CCSER1: variants seen among roughly 807,000 people sequenced by gnomAD.
CCSER1 encodes coiled-coil serine rich protein 1.
A neutral mutation model predicts 82.0 loss-of-function variants in CCSER1; 41 were observed. The observed-to-expected ratio is 0.50, with a 90% CI of 0.39 to 0.65. CCSER1 has a LOEUF of 0.65. CCSER1 is among the 30% of genes least tolerant of loss of function. The pLI is 0.00. For synonymous variants in CCSER1, 414 were observed against 383.9 expected (o/e 1.08, Z -0.92); for missense variants, 1,119 against 1,064.2 (o/e 1.05, Z -0.72).
intron 9 of CCSER1, among the ~76,000 whole-genome samples, chr4:90,998,566 G>A (rs1581294349): frequency 6.6e-6 from 1 of 152,022 alleles, no homozygotes; most frequent in South Asian, 2.1e-4. Context: ...AATTTGCAAA[G>A]ATAAAAATGA....
At chr4:91,069,879 T>C (rs1003598646) in intron 9 of CCSER1, among the ~76,000 whole-genome samples, 3 of 152,220 alleles carry the variant, frequency 2.0e-5, no homozygotes, top group African/African-American at 7.2e-5. Flanking sequence ...ACCCATTGAA[T>C]GCCATTTAGA....
At chr4:90,357,533 G>C (rs1385509709) in intron 3 of CCSER1, among the ~76,000 whole-genome samples, 3 of 151,914 alleles carry the variant, frequency 2.0e-5, no homozygotes, top group African/African-American at 7.2e-5. Context: ...AGATACTCTT[G>C]GGAAATGAGA....
At chr4:90,262,135 G>A (rs1005104018) in intron 1 of CCSER1, among the ~76,000 whole-genome samples, 2 of 151,190 alleles carry the variant, frequency 1.3e-5, no homozygotes, top group Non-Finnish European at 2.9e-5. Context: ...TTGCTAGGGA[G>A]CTTCTGTGAT....
At chr4:90,621,167 A>G (rs1345125703) in intron 5 of CCSER1, among the ~76,000 whole-genome samples, 1 of 152,124 alleles carries the variant, frequency 6.6e-6, no homozygotes, top group African/African-American at 2.4e-5. Context: ...GGATACACCA[A>G]TCATTCCAGG....
At chr4:91,396,588 G>A (rs1012846103) in intron 10 of CCSER1, among the ~76,000 whole-genome samples, 3 of 152,058 alleles carry the variant, frequency 2.0e-5, no homozygotes, top group Middle Eastern at 3.4e-3. Context: ...ATAATGATGC[G>A]GGCAGTTGTA....
intron 10 of CCSER1, among the ~76,000 whole-genome samples, chr4:91,409,300 A>G (rs938281539): frequency 2.6e-5 from 4 of 152,222 alleles, no homozygotes; most frequent in South Asian, 2.1e-4. Flanking sequence ...ATATTGCCCA[A>G]TTTATTCATT....
intron 10 of CCSER1, among the ~76,000 whole-genome samples, chr4:91,342,014 A>T (rs1747754288): frequency 6.6e-6 from 1 of 152,216 alleles, no homozygotes; most frequent in South Asian, 2.1e-4. Context: ...AAAGGATGCA[A>T]TTAAATCTAA....
chr4:90,452,823 G>T (rs1321612555), intron 4 of CCSER1, among the ~76,000 whole-genome samples: 1 of 152,108 alleles, frequency 6.6e-6, no homozygotes, highest in East Asian at 1.9e-4. Flanking sequence ...TGAGGGTTTT[G>T]AGGCAAGGAA....
chr4:90,999,990 A>C (rs953294515), intron 9 of CCSER1, among the ~76,000 whole-genome samples: 1 of 150,816 alleles, frequency 6.6e-6, no homozygotes, highest in Admixed American at 6.6e-5. Context: ...GTCCAGTTTC[A>C]TTCTTCTGCA....
chr4:91,095,659 GAT>G (rs1463114991), intron 10 of CCSER1, among the ~76,000 whole-genome samples: 3 of 152,140 alleles, frequency 2.0e-5, no homozygotes, highest in Non-Finnish European at 4.4e-5. Context: ...GTGTACATAC[GAT>G]AGGCCTCACA....
At chr4:91,387,359 T>C (rs753881493) in intron 10 of CCSER1, among the ~76,000 whole-genome samples, 6 of 152,016 alleles carry the variant, frequency 3.9e-5, no homozygotes, top group Non-Finnish European at 8.8e-5. Flanking sequence ...TCAGCTATAA[T>C]GTTTTTAAAA....
intron 10 of CCSER1, among the ~76,000 whole-genome samples, chr4:91,455,507 C>G (rs1756111350): frequency 6.6e-6 from 1 of 152,008 alleles, no homozygotes; most frequent in Admixed American, 6.6e-5. Context: ...AAGGCACCAT[C>G]TAGGAAACAG....
intron 8 of CCSER1, among the ~76,000 whole-genome samples, chr4:90,853,767 C>T (rs936221134): frequency 5.3e-5 from 8 of 152,110 alleles, no homozygotes; most frequent in African/African-American, 1.9e-4. Context: ...TTTTATTTCA[C>T]ATTTCATAAA....
chr4:90,313,615 A>G (rs913656570), intron 3 of CCSER1, among the ~76,000 whole-genome samples: 9 of 152,048 alleles, frequency 5.9e-5, no homozygotes, highest in African/African-American at 2.2e-4. Context: ...TGCTTTTAGT[A>G]TGAGGGTGGA....
intron 10 of CCSER1, among the ~76,000 whole-genome samples, chr4:91,120,141 A>G (rs946255751): frequency 3.9e-5 from 6 of 152,040 alleles, no homozygotes; most frequent in Non-Finnish European, 8.8e-5. Flanking sequence ...AGTGATTTGT[A>G]TATCTCATTT....
At chr4:90,727,484 T>C (rs3733456) in intron 7 of CCSER1, among the ~76,000 whole-genome samples, 20,690 of 152,182 alleles carry the variant, frequency 0.14, 1,619 homozygotes, top group East Asian at 0.3. Flanking sequence ...TCCTTTTCTA[T>C]CTTTTCCCTC....
At chr4:90,930,939 T>TACAC (rs1554045605) in intron 9 of CCSER1, among the ~76,000 whole-genome samples, 69 of 135,090 alleles carry the variant, frequency 5.1e-4, no homozygotes, top group Non-Finnish European at 5.8e-4. Flanking sequence ...TATATATATA[T>TACAC]ACACATGACA....
chr4:91,431,703 G>A (rs1310828412), intron 10 of CCSER1, among the ~76,000 whole-genome samples: 2 of 152,110 alleles, frequency 1.3e-5, no homozygotes, highest in Non-Finnish European at 2.9e-5. Context: ...CCGACCTCAG[G>A]TGATCTGTCT....
chr4:90,602,916 G>C (rs1227654326), intron 5 of CCSER1, among the ~76,000 whole-genome samples: 1 of 152,140 alleles, frequency 6.6e-6, no homozygotes, highest in African/African-American at 2.4e-5. Context: ...CTCTCCTAGA[G>C]GTAGACACTA....
Sources: allele counts gnomAD v4.1 joint callset (sites outside exome capture counted in the v4.1 genomes callset), GRCh38; gene constraint gnomAD v4.1.1; transcripts MANE v1.5; gene names NCBI Gene and HGNC (gene_info 2026-07-23, HGNC 2026-07-21).